Variants in CDIN1 observed in about 807,000 individuals in gnomAD.
The protein encoded by CDIN1 is CDAN1 interacting nuclease 1, also known as CDAN1-interacting nuclease 1.
Under a neutral mutation model 45.3 loss-of-function variants are expected in CDIN1, and 33 were observed. That is an observed-to-expected ratio of 0.73 (90% confidence interval 0.55 to 0.97). The LOEUF (loss-of-function observed/expected upper bound fraction) is 0.97, where lower values mean the gene tolerates loss of function less well. Among genes scored for constraint, CDIN1 ranks in the 50% least tolerant of loss-of-function variants. The pLI is 0.00. For synonymous variants in CDIN1, 118 were observed against 124.4 expected (o/e 0.95, Z 0.34); for missense variants, 303 against 339.4 (o/e 0.89, Z 0.84).
At chr15:36,722,659 T>G (rs8040316) in intron 10 of CDIN1, among the ~76,000 whole-genome samples, 117,759 of 152,058 alleles carry the variant, frequency 0.77, 46,274 homozygotes, top group East Asian at 0.96. Flanking sequence ...TCTGATGTTT[T>G]GTATCATTCA....
intron 10 of CDIN1, among the ~76,000 whole-genome samples, chr15:36,776,524 A>T (rs1457020606): frequency 6.6e-6 from 1 of 152,228 alleles, no homozygotes; most frequent in African/African-American, 2.4e-5. Flanking sequence ...GAGCTAAAAA[A>T]TATTCTTCTT....
chr15:36,711,260 A>C lies in CDIN1; in HGVS notation c.716+1299A>C, dbSNP rs28620852. Among the ~76,000 whole-genome samples the C allele has an allele frequency of 4.1e-3, 611 of 149,490 alleles. 2 individuals are homozygous for C. The highest frequency in any genetic ancestry group is 0.015 in the African/African-American group (578 of 38,976). On this transcript the variant is annotated intron_variant, in intron 10 of 10. Transcript: ENST00000566621. ...TAAGTTTAGGTTGCTAAAGTATTTT[A>C]AAAAAAACTGATAAGCTCAATCAGT...
chr15:36,655,849 A>G (rs1255958984), intron 4 of CDIN1, among the ~76,000 whole-genome samples: 1 of 152,188 alleles, frequency 6.6e-6, no homozygotes, highest in Non-Finnish European at 1.5e-5. Context: ...TATCATAGCA[A>G]TTTATATTCA....
At chr15:36,709,522 T>C (rs1030896672) in intron 9 of CDIN1, among the ~76,000 whole-genome samples, 3 of 152,186 alleles carry the variant, frequency 2.0e-5, no homozygotes, top group Admixed American at 6.6e-5. Flanking sequence ...TTCAACTTAT[T>C]TCTCTAAATT....
chr15:36,751,796 ACCAT>A (rs2053479071), intron 10 of CDIN1, among the ~76,000 whole-genome samples: 3 of 152,202 alleles, frequency 2.0e-5, no homozygotes, highest in Non-Finnish European at 2.9e-5. Context: ...GTACATATAC[ACCAT>A]GGAATACTAT....
At chr15:36,746,470 T>G (rs895227271) in intron 10 of CDIN1, among the ~76,000 whole-genome samples, 7 of 152,166 alleles carry the variant, frequency 4.6e-5, no homozygotes, top group African/African-American at 1.7e-4. Flanking sequence ...GTTACATTCC[T>G]TATATTCAGT....
At chr15:36,798,364 T>C (rs889423905) in intron 10 of CDIN1, among the ~76,000 whole-genome samples, 3 of 152,218 alleles carry the variant, frequency 2.0e-5, no homozygotes, top group Admixed American at 2.0e-4. Flanking sequence ...GGCATTTGCC[T>C]TCATGAATCT....
chr15:36,740,750 A>G (rs1187868720), intron 10 of CDIN1, among the ~76,000 whole-genome samples: 2 of 152,050 alleles, frequency 1.3e-5, no homozygotes, highest in Non-Finnish European at 2.9e-5. Flanking sequence ...TCAGCCGGGC[A>G]TGGTGGTGCA....
chr15:36,672,673 G>C (rs931196988), intron 5 of CDIN1, among the ~76,000 whole-genome samples: 1 of 151,918 alleles, frequency 6.6e-6, no homozygotes, highest in African/African-American at 2.4e-5. Context: ...AGGTTGTCTT[G>C]TAAAATAGTT....
intron 10 of CDIN1, among the ~76,000 whole-genome samples, chr15:36,795,981 C>T (rs1447750703): frequency 6.6e-6 from 1 of 152,208 alleles, no homozygotes; most frequent in Admixed American, 6.5e-5. Flanking sequence ...ACCTAGTTTA[C>T]TCACGTTTCC....
chr15:36,790,273 C>T (rs977393967), intron 10 of CDIN1: 2 of 152,218 alleles, frequency 1.3e-5, no homozygotes, highest in Non-Finnish European at 2.9e-5. Flanking sequence ...AGCAATCTTT[C>T]CCAGCTCTAA....
intron 5 of CDIN1, among the ~76,000 whole-genome samples, chr15:36,671,247 T>C (rs1174765407): frequency 6.6e-6 from 1 of 152,104 alleles, no homozygotes; most frequent in East Asian, 1.9e-4. Context: ...CACGAAACCA[T>C]TCATCTGTTG....
chr15:36,774,895 C>T (rs1244186296), intron 10 of CDIN1, among the ~76,000 whole-genome samples: 1 of 152,094 alleles, frequency 6.6e-6, no homozygotes, highest in Admixed American at 6.6e-5. Context: ...TTGTAAAGCT[C>T]TTTATCATAG....
intron 1 of CDIN1, among the ~76,000 whole-genome samples, chr15:36,629,765 A>C (rs2039604092): frequency 6.6e-6 from 1 of 152,180 alleles, no homozygotes. Flanking sequence ...AGTTACTGCA[A>C]ATTGGTGAGG....
At chr15:36,715,851 T>C (rs980330304) in intron 10 of CDIN1, among the ~76,000 whole-genome samples, 1 of 152,194 alleles carries the variant, frequency 6.6e-6, no homozygotes, top group Non-Finnish European at 1.5e-5. Flanking sequence ...GTGTTTTCTG[T>C]GTATAGAGTA....
intron 1 of CDIN1, among the ~76,000 whole-genome samples, chr15:36,638,050 T>G (rs1451347185): frequency 2.0e-5 from 3 of 152,210 alleles, no homozygotes; most frequent in African/African-American, 7.2e-5. Context: ...TAAAAAAATA[T>G]TCTTTGGGCT....
At chr15:36,798,770 A>T (rs755059969) in intron 10 of CDIN1, 6 of 152,204 alleles carry the variant, frequency 3.9e-5, no homozygotes, top group Non-Finnish European at 8.8e-5. Context: ...ATTAAGGGCT[A>T]CTTGAAAAAG....
In CDIN1 at chr15:36,632,718, G is replaced by A. The variant is rs192274728; in HGVS notation, c.102-11560G>A. On this transcript the variant is annotated intron_variant, in intron 1 of 10. Transcript: ENST00000566621. ...ACTCTAATTATTGAATTTCCCGAGG[G>A]GAAGGAGAGGGTTCTCTCCCCTCTG... Among the ~76,000 whole-genome samples, 7 of 152,204 alleles carry A rather than the reference G, an allele frequency of 4.6e-5. No individual in the cohort carries two copies. The East Asian group carries it at 1.3e-3, about 29-fold the overall frequency.
At chr15:36,677,798 A>G (rs1433662139) in intron 5 of CDIN1, among the ~76,000 whole-genome samples, 1 of 152,080 alleles carries the variant, frequency 6.6e-6, no homozygotes, top group African/African-American at 2.4e-5. Context: ...GAAAGTCAGG[A>G]AAAAAAATTC....
Sources: allele counts gnomAD v4.1 joint callset (sites outside exome capture counted in the v4.1 genomes callset), GRCh38; gene constraint gnomAD v4.1.1; transcripts MANE v1.5; gene names NCBI Gene and HGNC (gene_info 2026-07-23, HGNC 2026-07-21).